SUPT7L: variants seen among roughly 807,000 people sequenced by gnomAD.
SUPT7L encodes STAGA complex 65 subunit gamma.
SUPT7L carries 15 observed loss-of-function variants against 35.7 expected under a neutral mutation model. The ratio of observed to expected loss-of-function variants is 0.42; its 90% CI spans 0.28 to 0.65. SUPT7L has a LOEUF of 0.65. Ranked by LOEUF, SUPT7L falls within the 30% of genes least tolerant of loss-of-function variation. The pLI, the probability that SUPT7L is intolerant of heterozygous loss-of-function variation, is 0.23. For missense variants in SUPT7L, 434 were observed against 522.2 expected, an observed-to-expected ratio of 0.83 and a Z score of 1.65; for synonymous variants, 168 against 186.2, an observed-to-expected ratio of 0.90 and a Z score of 0.79.
At chr2:27,656,836 A>C (rs1268481617) in intron 4 of SUPT7L, among the ~76,000 whole-genome samples, 1 of 150,156 alleles carries the variant, frequency 6.7e-6, no homozygotes, top group Non-Finnish European at 1.5e-5. Context: ...ATGGGGTCTC[A>C]CTATATTGTC....
rs1674581799 is a variant in SUPT7L, at chr2:27,652,084, G to T, written c.*1401C>A. 6.6e-6 allele frequency: 1 copy of T among 152,178 alleles called. No homozygotes were observed. The highest frequency in any genetic ancestry group is 2.4e-5 in the African/African-American group (1 of 41,382). The allele number at this position is 152,178 out of a possible 1,614,324, so 9.4% of individuals were successfully genotyped here. Reference sequence around the variant, plus strand: ...AATCGCTTGAACCTGGGAGGCAGAGGTTGCAGTGAGTCGAAATTGCACCAT... The same window carrying T: ...AATCGCTTGAACCTGGGAGGCAGAGTTTGCAGTGAGTCGAAATTGCACCAT... On this transcript the variant is annotated 3_prime_UTR_variant, in exon 6 of 6. Transcript: ENST00000337768.
At chr2:27,661,697 A>G (rs1675118934) in intron 2 of SUPT7L, 1 of 1,129,970 alleles carries the variant, frequency 8.8e-7, no homozygotes, top group Admixed American at 4.1e-5. Flanking sequence ...AATTTGGGTC[A>G]TTAGTGGACC....
rs920930001 is a variant in SUPT7L at position 27,657,922 on chromosome 2, G to A, written c.420-253C>T. Among the ~76,000 whole-genome samples the A allele has an allele frequency of 6.6e-6, 1 of 151,980 alleles. No individual in the cohort carries two copies. Among genetic ancestry groups the A allele is most frequent in the Admixed American group, 6.6e-5 (1 of 15,264 alleles). ...ATGTCTATAATACACAATCCAAAAG[G>A]ATATCTAGTGAAAAGAAAGTTTCCT... On this transcript the variant is annotated intron_variant, in intron 3 of 5. Coordinates refer to ENST00000337768, the MANE Select transcript of SUPT7L (RefSeq NM_014860.3). The surrounding 1 kb of genome is among the most constrained non-coding windows in gnomAD (Gnocchi z 5.2).
chr2:27,650,166 C>A, downstream of SUPT7L: 1 of 1,603,672 alleles, frequency 6.2e-7, no homozygotes, highest in South Asian at 1.1e-5. Flanking sequence ...ATGCAAGAAT[C>A]GATGGCACAA....
intron 3 of SUPT7L, among the ~76,000 whole-genome samples, chr2:27,660,594 C>T (rs1027568100): frequency 6.6e-6 from 1 of 152,012 alleles, no homozygotes. Context: ...TGTAGACTTG[C>T]GGATTCCTAA....
At chr2:27,650,161 A>G (rs1674457143), downstream of SUPT7L, 2 of 1,607,896 alleles carry the variant, frequency 1.2e-6, no homozygotes, top group Non-Finnish European at 1.7e-6. Flanking sequence ...ATTTTATGCA[A>G]GAATCGATGG....
chr2:27,656,863 T>C (rs1674828799), intron 4 of SUPT7L, among the ~76,000 whole-genome samples: 1 of 152,188 alleles, frequency 6.6e-6, no homozygotes, highest in Non-Finnish European at 1.5e-5. Context: ...GGTCTTGAAC[T>C]CCTGGCCTCA....
At chr2:27,644,663 G>A in the SUPT7L span, among the ~76,000 whole-genome samples, 1 of 134,652 alleles carries the variant, frequency 7.4e-6, no homozygotes, top group African/African-American at 2.8e-5. Context: ...ATAAATAGTT[G>A]TATCTGTATG....
At chr2:27,642,990 C>CAT in the SUPT7L span, among the ~76,000 whole-genome samples, 2,806 of 150,864 alleles carry the variant, frequency 0.019, 92 homozygotes, top group African/African-American at 0.066. Flanking sequence ...CACACACACA[C>CAT]ACACATACAT....
chr2:27,650,131 TGAAGAGCCA>T (rs766296623), downstream of SUPT7L: 4 of 1,601,276 alleles, frequency 2.5e-6, no homozygotes, highest in African/African-American at 5.4e-5. Flanking sequence ...AGGAAAGCCA[TGAAGAGCCA>T]GCATTCCAGA....
At chr2:27,650,286 G>A (rs1452211282), downstream of SUPT7L, 4 of 723,336 alleles carry the variant, frequency 5.5e-6, no homozygotes, top group Middle Eastern at 2.5e-4. Flanking sequence ...CTGAACTGGG[G>A]GCTCCCATAA....
At chr2:27,660,745 C>T (rs778046586) in intron 3 of SUPT7L, among the ~76,000 whole-genome samples, 1 of 151,990 alleles carries the variant, frequency 6.6e-6, no homozygotes, top group Non-Finnish European at 1.5e-5. Context: ...TTACCCTGCT[C>T]CTAGTAAAGT....
chr2:27,644,568 T>G, the SUPT7L span, among the ~76,000 whole-genome samples: 1 of 152,114 alleles, frequency 6.6e-6, no homozygotes, highest in Non-Finnish European at 1.5e-5. Flanking sequence ...TTGTCTGGTT[T>G]TATTTTCTAA....
chr2:27,661,681 G>A, intron 2 of SUPT7L: 2 of 1,249,784 alleles, frequency 1.6e-6, no homozygotes, highest in African/African-American at 3.1e-5. Flanking sequence ...CTGAACCACA[G>A]GGTAGAATTT....
chr2:27,646,432 G>A (rs1488543629), downstream of SUPT7L, among the ~76,000 whole-genome samples: 2 of 152,176 alleles, frequency 1.3e-5, no homozygotes, highest in East Asian at 3.9e-4. Context: ...ACTGGTTTAT[G>A]TTTGTATGTA....
At chr2:27,643,961 T>C in the SUPT7L span, among the ~76,000 whole-genome samples, 2 of 152,108 alleles carry the variant, frequency 1.3e-5, no homozygotes, top group African/African-American at 4.8e-5. This position sits in a 1 kb window ranked among gnomAD's most constrained non-coding sequence, Gnocchi z 4.0. Context: ...GGTGGATCAC[T>C]TGAGGTCAGG....
At chr2:27,647,154 CTG>C (rs1464427047), downstream of SUPT7L, among the ~76,000 whole-genome samples, 1 of 152,190 alleles carries the variant, frequency 6.6e-6, no homozygotes, top group East Asian at 1.9e-4. Context: ...GTTGATGTTG[CTG>C]TCTCTGGCCA....
In SUPT7L at chr2:27,663,570, A is replaced by G; in HGVS notation, c.-331T>C. 1.7e-6 allele frequency: 1 copy of G among 596,662 alleles called. No homozygotes were observed. Among genetic ancestry groups the G allele is most frequent in the Non-Finnish European group, 2.9e-6 (1 of 339,244 alleles). 37.0% of individuals were successfully genotyped at this position (596,662 alleles called of 1,614,324 possible). A position where few individuals can be genotyped will look rare whatever the true frequency, so the allele number is the denominator to read the frequency against. On this transcript the variant is annotated 5_prime_UTR_variant, in exon 1 of 6. Transcript: ENST00000337768. Reference sequence around the variant, plus strand: ...TCTGGACCTCGAGAGGCCTGAGGCAAGGATCGCGTCAGACCCCGAAAGCTG... The same window carrying G: ...TCTGGACCTCGAGAGGCCTGAGGCAGGGATCGCGTCAGACCCCGAAAGCTG...
At position 27,657,651 on chromosome 2, in the gene SUPT7L, C is replaced by G; in HGVS notation, c.438G>C (p.Val146=). 6.2e-7 allele frequency: 1 copy of G among 1,612,566 alleles called. No individual in the cohort carries two copies. Among genetic ancestry groups the G allele is most frequent in the Non-Finnish European group, 8.5e-7 (1 of 1,178,926 alleles). ...SDFYRGKGEP[V]TELSWHSCRQ... ...GACAGGAGTGCCAGCTGAGTTCAGTCACAGGTTCCCCTTTCCCACTGAAAG... is the reference window on the plus strand; with the variant it reads ...GACAGGAGTGCCAGCTGAGTTCAGTGACAGGTTCCCCTTTCCCACTGAAAG... Residue 146 remains valine, a synonymous_variant, in exon 4 of 6, where the codon GTG becomes GTC. Transcript: ENST00000337768. This position sits in a 1 kb window ranked among gnomAD's most constrained non-coding sequence, Gnocchi z 5.2.
Sources: allele counts gnomAD v4.1 joint callset (sites outside exome capture counted in the v4.1 genomes callset), GRCh38; gene constraint gnomAD v4.1.1; non-coding constraint Gnocchi (gnomAD v3.1); transcripts MANE v1.5; gene names NCBI Gene and HGNC (gene_info 2026-07-23, HGNC 2026-07-21).